The following ITGA9 variants were observed in gnomAD, a reference collection of about 807,000 sequenced individuals.
ITGA9 encodes integrin subunit alpha 9.
A neutral mutation model predicts 127.8 loss-of-function variants in ITGA9; 56 were observed. That is an observed-to-expected ratio of 0.44 (90% CI 0.35 to 0.55). The LOEUF is 0.55. ITGA9 is among the 20% of genes least tolerant of loss of function. The pLI is 0.00. For synonymous variants in ITGA9, 508 were observed against 514.5 expected, an observed-to-expected ratio of 0.99 and a Z score of 0.17; for missense variants, 1,196 against 1,347.1, an observed-to-expected ratio of 0.89 and a Z score of 1.76.
intron 1 of ITGA9, among the ~76,000 whole-genome samples, chr3:37,464,122 T>A (rs1579041459): frequency 1.7e-5 from 2 of 119,568 alleles, no homozygotes; most frequent in South Asian, 2.4e-4. Flanking sequence ...TGTGAGTGTG[T>A]GTGTGTGTGT....
At chr3:37,660,054 C>A (rs151305603) in intron 17 of ITGA9, among the ~76,000 whole-genome samples, 1 of 152,070 alleles carries the variant, frequency 6.6e-6, no homozygotes, top group African/African-American at 2.4e-5. Flanking sequence ...TATTAATTAG[C>A]ATTACTTTTA....
At chr3:37,758,656 C>T (rs1696684830) in intron 23 of ITGA9, among the ~76,000 whole-genome samples, 1 of 148,724 alleles carries the variant, frequency 6.7e-6, no homozygotes, top group Non-Finnish European at 1.5e-5. Flanking sequence ...AAACTTCAAG[C>T]TAAGTGAGGA....
At chr3:37,732,582 C>G in intron 18 of ITGA9, 130 bp from the exon 19 acceptor site, 1 of 736,682 alleles carries the variant, frequency 1.4e-6, no homozygotes, top group Non-Finnish European at 2.4e-6. Context: ...ACGGCCTGGT[C>G]AGGGCATCTC....
intron 14 of ITGA9, among the ~76,000 whole-genome samples, chr3:37,541,962 G>A (rs1290111528): frequency 1.3e-5 from 2 of 152,200 alleles, no homozygotes; most frequent in Non-Finnish European, 2.9e-5. Context: ...ATTATCAGAC[G>A]AGATGGTTCC....
chr3:37,758,329 C>CAAAAAAAAAAAAAAAAAAAAAAAAAA (rs57505967), intron 23 of ITGA9, among the ~76,000 whole-genome samples: 1 of 65,976 alleles, frequency 1.5e-5, no homozygotes. Flanking sequence ...GACTCCGTCT[C>CAAAAAAAAAAAAAAAAAAAAAAAAAA]AAAAAAAAAA....
At chr3:37,714,010 G>A (rs1466349786) in intron 18 of ITGA9, among the ~76,000 whole-genome samples, 1 of 152,248 alleles carries the variant, frequency 6.6e-6, no homozygotes, top group African/African-American at 2.4e-5. Flanking sequence ...GTGTCAAGGG[G>A]ACAGTGGCTG....
At chr3:37,676,018 A>G (rs1457428597) in intron 17 of ITGA9, among the ~76,000 whole-genome samples, 1 of 152,218 alleles carries the variant, frequency 6.6e-6, no homozygotes, top group East Asian at 1.9e-4. Context: ...CTGGGATTAC[A>G]GGCATGAGTC....
intron 27 of ITGA9, among the ~76,000 whole-genome samples, chr3:37,804,832 C>T (rs1697276900): frequency 6.6e-6 from 1 of 152,144 alleles, no homozygotes; most frequent in Non-Finnish European, 1.5e-5. Flanking sequence ...ATTGACCTAA[C>T]ATAACATATC....
chr3:37,507,659 G>A (rs901823817), intron 7 of ITGA9, among the ~76,000 whole-genome samples: 2 of 152,160 alleles, frequency 1.3e-5, no homozygotes, highest in African/African-American at 4.8e-5. Flanking sequence ...CACCTGAGAG[G>A]CATGGGGAAA....
intron 3 of ITGA9, among the ~76,000 whole-genome samples, chr3:37,473,715 C>A (rs1392572520): frequency 2.0e-5 from 3 of 147,036 alleles, no homozygotes; most frequent in Non-Finnish European, 4.6e-5. Flanking sequence ...TCATTCATTA[C>A]ATAGGTATTT....
chr3:37,630,841 G>A (rs1700223990), intron 16 of ITGA9, among the ~76,000 whole-genome samples: 1 of 152,170 alleles, frequency 6.6e-6, no homozygotes. Context: ...GGGGAGTGAG[G>A]GAGGACACGT....
At chr3:37,525,263 T>C (rs574963308) in intron 12 of ITGA9, among the ~76,000 whole-genome samples, 3 of 152,354 alleles carry the variant, frequency 2.0e-5, no homozygotes, top group African/African-American at 7.2e-5. Flanking sequence ...TTACCAAGTA[T>C]TTCCATGAAT....
Position 37,819,680 on chromosome 3 carries a change from G to GATT in ITGA9, c.*692_*694dup, listed in dbSNP as rs1697488125. 1 of 152,374 alleles carries GATT rather than the reference G, an allele frequency of 6.6e-6. No homozygotes were observed. Among genetic ancestry groups the GATT allele is most frequent in the Non-Finnish European group, 1.5e-5 (1 of 68,186 alleles). The allele number at this position is 152,374 out of a possible 1,614,324, so 9.4% of individuals were successfully genotyped here. On this transcript the variant is annotated 3_prime_UTR_variant, in exon 28 of 28. Transcript: ENST00000264741. ...TTTTCATATGTACTTTTCATTGGAA[G>GATT]ATTCCCAACAAGAATTTGGATGGAA...
At chr3:37,498,643 A>T (rs1698756443) in intron 5 of ITGA9, among the ~76,000 whole-genome samples, 1 of 152,134 alleles carries the variant, frequency 6.6e-6, no homozygotes, top group Non-Finnish European at 1.5e-5. Flanking sequence ...GGTACAGCAA[A>T]GTGGGGACAT....
chr3:37,590,196 TG>T (rs1699801778), intron 15 of ITGA9, among the ~76,000 whole-genome samples: 1 of 152,172 alleles, frequency 6.6e-6, no homozygotes, highest in African/African-American at 2.4e-5. Flanking sequence ...AAAAGCAGGT[TG>T]TGGCCACCCT....
chr3:37,589,481 G>C (rs1467967768), intron 15 of ITGA9, among the ~76,000 whole-genome samples: 3 of 152,214 alleles, frequency 2.0e-5, no homozygotes, highest in African/African-American at 7.2e-5. Flanking sequence ...ATGGAATATA[G>C]AGTATGGAAA....
intron 17 of ITGA9, among the ~76,000 whole-genome samples, chr3:37,682,494 C>T (rs1422926348): frequency 1.3e-5 from 2 of 152,184 alleles, no homozygotes; most frequent in Non-Finnish European, 2.9e-5. Context: ...TTGGCTGACA[C>T]CTCCTCATCT....
chr3:37,538,734 G>A (rs910527904), intron 14 of ITGA9, among the ~76,000 whole-genome samples: 3 of 152,272 alleles, frequency 2.0e-5, no homozygotes, highest in Non-Finnish European at 4.4e-5. Flanking sequence ...GCTTTGGAAT[G>A]AGTGGTCAGC....
intron 1 of ITGA9, among the ~76,000 whole-genome samples, chr3:37,467,651 A>T (rs1698386221): frequency 1.3e-5 from 2 of 152,072 alleles, no homozygotes; most frequent in Non-Finnish European, 2.9e-5. Context: ...ACTCTTGTGA[A>T]TTTTTTTGTG....
Sources: gnomAD v4.1 joint callset for allele counts (sites outside exome capture counted in the v4.1 genomes callset) on GRCh38, gnomAD v4.1.1 for gene constraint, MANE v1.5 for transcripts, NCBI Gene and HGNC (gene_info 2026-07-23, HGNC 2026-07-21) for gene names.